Variants in PLCG1 observed in about 807,000 individuals in gnomAD.
PLCG1 encodes phospholipase C gamma 1.
PLCG1 carries 71 observed loss-of-function variants against 177.8 expected under a neutral mutation model. The ratio of observed to expected loss-of-function variants is 0.40; its 90% CI spans 0.33 to 0.49. PLCG1 has a LOEUF of 0.49. PLCG1 is among the 20% of genes least tolerant of loss of function. The pLI is 0.72. For synonymous variants in PLCG1, 658 were observed against 647.9 expected, an observed-to-expected ratio of 1.02 and a Z score of -0.24; for missense variants, 1,281 against 1,709.0, an observed-to-expected ratio of 0.75 and a Z score of 4.42.
intron 1 of PLCG1, among the ~76,000 whole-genome samples, chr20:41,143,500 C>T (rs1282823229): frequency 2.0e-5 from 3 of 152,204 alleles, no homozygotes; most frequent in African/African-American, 7.2e-5. Context: ...TGTTCTGGTG[C>T]CCCTTGTAGA....
At position 41,169,344 on chromosome 20, in the gene PLCG1, A is replaced by G; in HGVS notation, c.2581-113A>G. 3.1e-6 allele frequency: 3 copies of G among 972,710 alleles called. No individual in the cohort carries two copies. In the Admixed American group the frequency reaches 5.3e-5, roughly 17 times the overall value. 60.3% of individuals were successfully genotyped at this position (972,710 alleles called of 1,614,324 possible). On this transcript the variant is annotated intron_variant, in intron 22 of 31. Transcript: ENST00000685551. The stretch of plus-strand genomic sequence containing the variant: ...GTAGTCTCCCATATACCTGTGCTAC[A>G]TTTGGCAGTCACAGGTACACCCACA...
chr20:41,143,722 C>T (rs1372814451), intron 1 of PLCG1, among the ~76,000 whole-genome samples: 3 of 152,200 alleles, frequency 2.0e-5, no homozygotes, highest in African/African-American at 7.2e-5. Flanking sequence ...CAGGTCTCAG[C>T]TCTTACTGTG....
Position 41,153,818 on chromosome 20 carries a change from C to T in PLCG1, c.218-5788C>T, listed in dbSNP as rs1205473462. The stretch of plus-strand genomic sequence containing the variant: ...GACTGAGGTATGAGAATCACTTGAA[C>T]CCCGGAGGCAGAGGTTGCAGTGAAC... On this transcript the variant is annotated intron_variant, in intron 1 of 31. Coordinates refer to ENST00000685551, the MANE Select transcript of PLCG1 (RefSeq NM_002660.3). This position sits in a 1 kb window ranked among gnomAD's most constrained non-coding sequence, Gnocchi z 5.1. 6.6e-6 allele frequency among the ~76,000 whole-genome samples: 1 copy of T among 152,180 alleles called. No individual in the cohort carries two copies. The highest frequency in any genetic ancestry group is 1.5e-5 in the Non-Finnish European group (1 of 68,028).
rs35608705 is a variant in PLCG1, at chr20:41,168,428, A to G, written c.2380-339A>G. ...GCTTCCAGGTCCCGGGGAGGCACTC[A>G]GGGCCACTGCAGACCCTGCCTTCTT... On this transcript the variant is annotated intron_variant, in intron 20 of 31. Coordinates refer to ENST00000685551, the MANE Select transcript of PLCG1 (RefSeq NM_002660.3). Among the ~76,000 whole-genome samples the G allele has an allele frequency of 7.3e-3, 1,106 of 152,302 alleles. 9 individuals are homozygous for G. Among genetic ancestry groups the G allele is most frequent in the African/African-American group, 0.026 (1,060 of 41,566 alleles).
At chr20:41,154,951 C>T (rs1311267528) in intron 1 of PLCG1, among the ~76,000 whole-genome samples, 1 of 152,220 alleles carries the variant, frequency 6.6e-6, no homozygotes, top group Non-Finnish European at 1.5e-5. Context: ...ACTGCCATTA[C>T]TGGCATGTCC....
chr20:41,163,507 G>C lies in PLCG1; in HGVS notation c.891+28G>C, dbSNP rs374585854. The C allele has an allele frequency of 6.5e-7, 1 of 1,536,194 alleles. No homozygotes were observed. The highest frequency in any genetic ancestry group is 9.0e-7 in the Non-Finnish European group (1 of 1,112,040). Reference sequence around the variant, plus strand: ...GAGCCCGATGTTTCACCCATTTTTTGTCAAGAGAATGAGTAGGGGTGACCA... The same window carrying C: ...GAGCCCGATGTTTCACCCATTTTTTCTCAAGAGAATGAGTAGGGGTGACCA... On this transcript the variant is annotated intron_variant, in intron 9 of 31. Transcript: ENST00000685551. The surrounding 1 kb of genome is among the most constrained non-coding windows in gnomAD (Gnocchi z 5.2).
In PLCG1 at chr20:41,173,788, T is replaced by C; in HGVS notation, c.3531T>C (p.Thr1177=). 6.2e-7 allele frequency: 1 copy of C among 1,614,080 alleles called. No homozygotes were observed. The highest frequency in any genetic ancestry group is 1.7e-5 in the Admixed American group (1 of 60,020). ...FSDQNFLAQA[T]FPVKGLKTGY... ...ACCAGAATTTCCTGGCTCAGGCTAC[T>C]TTCCCAGTAAAAGGCCTGAAGACAG... The change falls in exon 29 of 32, where the codon ACT becomes ACC. Residue 1177 remains threonine, a synonymous_variant. Transcript: ENST00000685551. The surrounding 1 kb of genome is among the most constrained non-coding windows in gnomAD (Gnocchi z 6.2).
In PLCG1 at chr20:41,139,044, AG is replaced by A. The variant is rs541502201; in HGVS notation, c.217+1193del. ...AGGGAGATCAGGAAGTGACACCCCA[AG>A]GGGGGGTCCCACAAACCTTCTTGGG... On this transcript the variant is annotated intron_variant, in intron 1 of 31. Coordinates refer to ENST00000685551, the MANE Select transcript of PLCG1 (RefSeq NM_002660.3). Among the ~76,000 whole-genome samples the A allele has an allele frequency of 2.0e-3, 303 of 152,208 alleles. 1 individual carries two copies. The highest frequency in any genetic ancestry group is 1.7e-3 in the Non-Finnish European group (115 of 68,012).
chr20:41,153,255 TAC>T lies in PLCG1; in HGVS notation c.218-6346_218-6345del, dbSNP rs1568733939. ...TTGCTACCATTTACATCAATTAGCTTACACACTTTGGGTTTTGTGTTTTTGTT... is the reference window on the plus strand; with the variant it reads ...TTGCTACCATTTACATCAATTAGCTTACACTTTGGGTTTTGTGTTTTTGTT... On this transcript the variant is annotated intron_variant, in intron 1 of 31. Transcript: ENST00000685551. This position sits in a 1 kb window ranked among gnomAD's most constrained non-coding sequence, Gnocchi z 5.1. Among the ~76,000 whole-genome samples the T allele has an allele frequency of 6.6e-6, 1 of 152,216 alleles. No individual in the cohort carries two copies. Among genetic ancestry groups the T allele is most frequent in the Non-Finnish European group, 1.5e-5 (1 of 68,040 alleles).
intron 1 of PLCG1, among the ~76,000 whole-genome samples, chr20:41,152,870 G>A (rs1250846663): frequency 1.3e-5 from 2 of 152,262 alleles, no homozygotes; most frequent in Non-Finnish European, 2.9e-5. Flanking sequence ...GGGGGCTTAA[G>A]TGAGGAGGTA....
Position 41,159,763 on chromosome 20 carries a change from G to T in PLCG1, c.370+5G>T. ...TGAAAACGCTGAGCCTGCAAGGTGG[G>T]AGTTAAGGGGGTAGAGGAGGTAGAG... On this transcript the variant is annotated splice_donor_5th_base_variant and intron_variant, in intron 2 of 31. Coordinates refer to ENST00000685551, the MANE Select transcript of PLCG1 (RefSeq NM_002660.3). This position sits in a 1 kb window ranked among gnomAD's most constrained non-coding sequence, Gnocchi z 6.0. 2 of 1,614,210 alleles carry T rather than the reference G, an allele frequency of 1.2e-6. No individual in the cohort carries two copies. The highest frequency in any genetic ancestry group is 1.7e-6 in the Non-Finnish European group (2 of 1,180,036).
At position 41,165,176 on chromosome 20, in the gene PLCG1, C is replaced by A. The variant is rs1331277397; in HGVS notation, c.1387-69C>A. ...CCAGGCCATGGCTTCAGCTGTTGGG[C>A]CTAAACCTGGGTGAGGAGGTGGGGT... On this transcript the variant is annotated intron_variant, in intron 13 of 31. Transcript: ENST00000685551. This position sits in a 1 kb window ranked among gnomAD's most constrained non-coding sequence, Gnocchi z 6.6. 1.2e-6 allele frequency: 2 copies of A among 1,605,208 alleles called. No homozygotes were observed. Among genetic ancestry groups the A allele is most frequent in the Non-Finnish European group, 1.7e-6 (2 of 1,174,674 alleles).
intron 1 of PLCG1, among the ~76,000 whole-genome samples, chr20:41,155,852 C>A (rs1378269125): frequency 6.6e-6 from 1 of 152,162 alleles, no homozygotes; most frequent in Admixed American, 6.5e-5. Flanking sequence ...AGAGGAATTT[C>A]CAGTTTCCTG....
rs372592330 is a variant in PLCG1 at position 41,151,019 on chromosome 20, A to G, written c.218-8587A>G. Among the ~76,000 whole-genome samples, 1 of 152,176 alleles carries G rather than the reference A, an allele frequency of 6.6e-6. No individual in the cohort carries two copies. Among genetic ancestry groups the G allele is most frequent in the Non-Finnish European group, 1.5e-5 (1 of 68,034 alleles). On this transcript the variant is annotated intron_variant, in intron 1 of 31. Transcript: ENST00000685551. This position sits in a 1 kb window ranked among gnomAD's most constrained non-coding sequence, Gnocchi z 5.5. ...TAGATAGATGCCCGATAAATGTTTGATCAGATGATGGAATGAATGACTGCA... is the reference window on the plus strand; with the variant it reads ...TAGATAGATGCCCGATAAATGTTTGGTCAGATGATGGAATGAATGACTGCA...
At position 41,165,563 on chromosome 20, in the gene PLCG1, G is replaced by C; in HGVS notation, c.1611+12G>C. On this transcript the variant is annotated intron_variant, in intron 15 of 31. Transcript: ENST00000685551. This position sits in a 1 kb window ranked among gnomAD's most constrained non-coding sequence, Gnocchi z 6.6. ...AGGAGCCCAAGGAGGTGAGGAACCAGCTCAGGTCTGGGGGCTGGGCCAGGT... is the reference window on the plus strand; with the variant it reads ...AGGAGCCCAAGGAGGTGAGGAACCACCTCAGGTCTGGGGGCTGGGCCAGGT... 6.2e-7 allele frequency: 1 copy of C among 1,612,734 alleles called. No individual in the cohort carries two copies.
At chr20:41,158,505 A>T (rs1817532747) in intron 1 of PLCG1, among the ~76,000 whole-genome samples, 1 of 151,920 alleles carries the variant, frequency 6.6e-6, no homozygotes, top group South Asian at 2.1e-4. Context: ...TGTGCTGGAG[A>T]GTGTGTCAGA....
In PLCG1 at chr20:41,172,256, G is replaced by A. The variant is rs770584685; in HGVS notation, c.2872G>A (p.Val958Ile). Reference protein sequence around the residue: ...KIALELSELVVYCRPVPFDEE... With the variant: ...KIALELSELVIYCRPVPFDEE... ...TGCCCTGGAGCTCTCTGAACTTGTCGTCTACTGCCGGCCTGTTCCCTTTGA... is the reference window on the plus strand; with the variant it reads ...TGCCCTGGAGCTCTCTGAACTTGTCATCTACTGCCGGCCTGTTCCCTTTGA... The change falls in exon 25 of 32, where the codon GTC becomes ATC. Residue 958 changes from valine to isoleucine, a missense_variant. This residue lies in a region of PLCG1 where 723 missense variants were observed against 1,030.0 expected (regional missense o/e 0.70). Coordinates refer to ENST00000685551, the MANE Select transcript of PLCG1 (RefSeq NM_002660.3). The surrounding 1 kb of genome is among the most constrained non-coding windows in gnomAD (Gnocchi z 7.0). 28 of 1,613,990 alleles carry A rather than the reference G, an allele frequency of 1.7e-5. No individual in the cohort carries two copies. The highest frequency in any genetic ancestry group is 2.2e-5 in the South Asian group (2 of 91,090).
rs751469408 is a variant in PLCG1, at chr20:41,173,837, T to C, written c.3556+24T>C. On this transcript the variant is annotated intron_variant, in intron 29 of 31. Coordinates refer to ENST00000685551, the MANE Select transcript of PLCG1 (RefSeq NM_002660.3). The surrounding 1 kb of genome is among the most constrained non-coding windows in gnomAD (Gnocchi z 6.2). ...AGGTGAGGACCATTCCTGGAGGCAG[T>C]GCCCCTGCAATCTTGCTGGCAGGGT... 2 of 1,611,554 alleles carry C rather than the reference T, an allele frequency of 1.2e-6. No individual in the cohort carries two copies. The highest frequency in any genetic ancestry group is 1.7e-6 in the Non-Finnish European group (2 of 1,178,308).
At chr20:41,169,403 TCACA>T (rs2035819815) in intron 22 of PLCG1, 50 bp from the exon 23 acceptor site, 1 of 1,355,858 alleles carries the variant, frequency 7.4e-7, no homozygotes, top group Admixed American at 1.7e-5. Context: ...GGATATCCCC[TCACA>T]CACATATGCA....
Sources: gnomAD v4.1 joint callset for allele counts (sites outside exome capture counted in the v4.1 genomes callset) on GRCh38, gnomAD v4.1.1 for gene constraint, gnomAD v4.1.1 regional missense constraint, Gnocchi (gnomAD v3.1) non-coding constraint, MANE v1.5 for transcripts, NCBI Gene and HGNC (gene_info 2026-07-23, HGNC 2026-07-21) for gene names.